EPS15: variants seen among roughly 807,000 people sequenced by gnomAD.
EPS15 encodes the protein epidermal growth factor receptor pathway substrate 15.
Under a neutral mutation model 113.8 loss-of-function variants are expected in EPS15, and 72 were observed. That is an observed-to-expected ratio of 0.63 (90% confidence interval 0.52 to 0.77). The LOEUF is 0.77. EPS15 is among the 30% of genes least tolerant of loss of function. The pLI is 0.00. For missense variants in EPS15, 1,048 were observed against 1,045.8 expected, an observed-to-expected ratio of 1.00 and a Z score of -0.03; for synonymous variants, 344 against 363.4, an observed-to-expected ratio of 0.95 and a Z score of 0.61.
intron 16 of EPS15, among the ~76,000 whole-genome samples, chr1:51,405,158 C>T (rs1163212053): frequency 6.6e-6 from 1 of 152,174 alleles, no homozygotes; most frequent in Admixed American, 6.5e-5. Flanking sequence ...TTTAGCACAG[C>T]CCTTTAACAC....
chr1:51,505,681 A>C (rs1644486923), intron 1 of EPS15, among the ~76,000 whole-genome samples: 1 of 152,210 alleles, frequency 6.6e-6, no homozygotes, highest in African/African-American at 2.4e-5. Flanking sequence ...CATCTCAATT[A>C]AACTGTTTAA....
intron 1 of EPS15, among the ~76,000 whole-genome samples, chr1:51,507,797 A>G (rs974308667): frequency 5.9e-5 from 9 of 152,192 alleles, no homozygotes; most frequent in Admixed American, 3.9e-4. Flanking sequence ...ACTAAAATTT[A>G]AAGAATGGTG....
intron 21 of EPS15, among the ~76,000 whole-genome samples, chr1:51,369,046 G>A (rs1255921999): frequency 2.7e-5 from 4 of 149,796 alleles, no homozygotes; most frequent in African/African-American, 9.7e-5. Context: ...CTGTCCCACA[G>A]CCTTTACAAG....
intron 1 of EPS15, among the ~76,000 whole-genome samples, chr1:51,487,335 G>A (rs967776048): frequency 9.2e-5 from 14 of 152,000 alleles, no homozygotes; most frequent in African/African-American, 3.4e-4. Flanking sequence ...TTGTTATAAT[G>A]TACAACAAAA....
At chr1:51,395,058 T>C (rs573988011) in intron 20 of EPS15, among the ~76,000 whole-genome samples, 1 of 152,220 alleles carries the variant, frequency 6.6e-6, no homozygotes, top group South Asian at 2.1e-4. Context: ...TTTGTATAGA[T>C]AGGGTCTTGC....
At chr1:51,483,738 G>A (rs1644066219) in intron 1 of EPS15, among the ~76,000 whole-genome samples, 1 of 151,572 alleles carries the variant, frequency 6.6e-6, no homozygotes, top group Non-Finnish European at 1.5e-5. Context: ...CCCGGGAGGT[G>A]GAGGTTGCAG....
chr1:51,426,837 C>CTCTATATATATATATA (rs377211027), intron 12 of EPS15, among the ~76,000 whole-genome samples: 1 of 143,568 alleles, frequency 7.0e-6, no homozygotes, highest in Non-Finnish European at 1.5e-5. Flanking sequence ...CTCTCTCTCT[C>CTCTATATATATATATA]TATATATATA....
intron 14 of EPS15, among the ~76,000 whole-genome samples, chr1:51,409,146 C>G (rs1440434348): frequency 6.6e-6 from 1 of 152,072 alleles, no homozygotes; most frequent in Non-Finnish European, 1.5e-5. Flanking sequence ...GTCTCCAACT[C>G]CTGGGCTCCA....
chr1:51,439,696 T>C (rs1652434285), intron 12 of EPS15, among the ~76,000 whole-genome samples: 2 of 152,222 alleles, frequency 1.3e-5, no homozygotes, highest in South Asian at 4.1e-4. Context: ...AGTACCTATG[T>C]ATAAGAAAGA....
intron 7 of EPS15, chr1:51,461,672 TAAC>T (rs1654465451): frequency 6.6e-6 from 1 of 151,992 alleles, no homozygotes; most frequent in African/African-American, 2.4e-5. Context: ...AGTAATAAAA[TAAC>T]AACAGTGTAT....
Position 51,471,672 on chromosome 1 carries a change from T to C in EPS15, c.213+18A>G, listed in dbSNP as rs1655249769. On this transcript the variant is annotated intron_variant, in intron 4 of 24. Transcript: ENST00000371733. ...TGAATCACTCAAAAAAAAAATCATA[T>C]GAATATCTGAAACTTACTTGTTTGT... 2.5e-6 allele frequency: 4 copies of C among 1,583,256 alleles called. No homozygotes were observed. The highest frequency in any genetic ancestry group is 1.7e-6 in the Non-Finnish European group (2 of 1,157,402).
intron 12 of EPS15, among the ~76,000 whole-genome samples, chr1:51,428,458 A>G (rs991822855): frequency 2.0e-5 from 3 of 152,064 alleles, no homozygotes; most frequent in African/African-American, 7.3e-5. Context: ...TACACAATGT[A>G]TAAAGATATA....
chr1:51,490,281 G>T, intron 1 of EPS15: 3 of 447,878 alleles, frequency 6.7e-6, no homozygotes, highest in South Asian at 4.7e-5. Flanking sequence ...GTACAATGTG[G>T]AAGGCCAGGC....
intron 24 of EPS15, among the ~76,000 whole-genome samples, chr1:51,360,927 A>C (rs1412895447): frequency 6.6e-6 from 1 of 152,240 alleles, no homozygotes; most frequent in African/African-American, 2.4e-5. Context: ...ACTAAGAGAA[A>C]GATTTACAAA....
intron 20 of EPS15, among the ~76,000 whole-genome samples, chr1:51,398,536 T>G (rs1190086026): frequency 6.6e-6 from 1 of 152,198 alleles, no homozygotes; most frequent in Non-Finnish European, 1.5e-5. Flanking sequence ...GGATCAGGCA[T>G]GTGGTTATTA....
At position 51,356,808 on chromosome 1, in the gene EPS15, C is replaced by A. The variant is rs1219706932; in HGVS notation, c.2583G>T (p.Arg861Ser). 1 of 1,613,752 alleles carries A rather than the reference C, an allele frequency of 6.2e-7. No homozygotes were observed. The highest frequency in any genetic ancestry group is 8.5e-7 in the Non-Finnish European group (1 of 1,179,818). The change falls in exon 25 of 25, where the codon AGG (arginine) becomes AGT (serine). Residue 861 changes from arginine (R) to serine (S), a missense_variant. Transcript: ENST00000371733. Reference sequence around the variant, plus strand: ...TCTGCTCTTCCTCTCTCTCACTTTCCCTCTTGGCCCATTCGATCATATCTT... The same window carrying A: ...TCTGCTCTTCCTCTCTCTCACTTTCACTCTTGGCCCATTCGATCATATCTT... Reference protein sequence around the residue: ...SEEDMIEWAKRESEREEEQRL... With the variant: ...SEEDMIEWAKSESEREEEQRL...
At chr1:51,439,212 GCTT>G (rs1440693110) in intron 12 of EPS15, among the ~76,000 whole-genome samples, 2 of 152,118 alleles carry the variant, frequency 1.3e-5, no homozygotes, top group African/African-American at 4.8e-5. Flanking sequence ...ATCAAGGAAT[GCTT>G]TAAGCCAGCC....
intron 17 of EPS15, 92 bp from the exon 18 acceptor site, chr1:51,402,617 C>T: frequency 1.5e-6 from 1 of 656,866 alleles, no homozygotes; most frequent in Non-Finnish European, 2.6e-6. Flanking sequence ...TCAGGTCATA[C>T]ACATGCTTTG....
At chr1:51,360,132 C>T (rs1020283092) in intron 24 of EPS15, among the ~76,000 whole-genome samples, 3 of 152,048 alleles carry the variant, frequency 2.0e-5, no homozygotes, top group African/African-American at 7.2e-5. Flanking sequence ...GAAACAGCTG[C>T]AGGAATAAAG....
Sources: allele counts gnomAD v4.1 joint callset (sites outside exome capture counted in the v4.1 genomes callset), GRCh38; gene constraint gnomAD v4.1.1; transcripts MANE v1.5; gene names NCBI Gene and HGNC (gene_info 2026-07-23, HGNC 2026-07-21).